Variants in ENTREP2 observed in about 807,000 individuals in gnomAD.
The protein encoded by ENTREP2 is endosomal transmembrane epsin interactor 2.
At chr15:29,429,558 G>A in the ENTREP2 span, among the ~76,000 whole-genome samples, 1 of 152,190 alleles carries the variant, frequency 6.6e-6, no homozygotes, top group South Asian at 2.1e-4. Context: ...CCACGTTGGA[G>A]CTGGGATTTT....
chr15:29,596,208 T>C, the ENTREP2 span, among the ~76,000 whole-genome samples: 520 of 152,328 alleles, frequency 3.4e-3, 3 homozygotes, highest in African/African-American at 0.012. Context: ...TAATTCTATA[T>C]GTAACCATTT....
the ENTREP2 span, among the ~76,000 whole-genome samples, chr15:29,246,939 T>A: frequency 7.3e-6 from 1 of 137,260 alleles, no homozygotes; most frequent in Non-Finnish European, 1.6e-5. Context: ...AAAAAATCCA[T>A]AAACAAAAAT....
the ENTREP2 span, among the ~76,000 whole-genome samples, chr15:29,278,580 C>T: frequency 6.6e-6 from 1 of 152,306 alleles, no homozygotes; most frequent in South Asian, 2.1e-4. Context: ...ACAGTGTGCC[C>T]TCTGATGCAT....
chr15:29,180,654 A>G, the ENTREP2 span, among the ~76,000 whole-genome samples: 1 of 152,132 alleles, frequency 6.6e-6, no homozygotes, highest in Non-Finnish European at 1.5e-5. Flanking sequence ...ACAGAGCAAG[A>G]CTCCGTCTCA....
At chr15:29,159,191 G>C in the ENTREP2 span, among the ~76,000 whole-genome samples, 1 of 152,000 alleles carries the variant, frequency 6.6e-6, no homozygotes, top group Non-Finnish European at 1.5e-5. Flanking sequence ...TTTTCTGGTG[G>C]GTTTGTGGTC....
the ENTREP2 span, chr15:29,452,521 T>C: frequency 1.3e-5 from 2 of 152,266 alleles, no homozygotes; most frequent in Non-Finnish European, 2.9e-5. Flanking sequence ...TTCTTGGTAG[T>C]ATCTGGCCTA....
At chr15:29,659,604 A>G in the ENTREP2 span, among the ~76,000 whole-genome samples, 2 of 152,174 alleles carry the variant, frequency 1.3e-5, no homozygotes, top group Non-Finnish European at 2.9e-5. Flanking sequence ...CTGCCTCCCT[A>G]AAGGTAACTA....
chr15:29,155,035 C>A, the ENTREP2 span, among the ~76,000 whole-genome samples: 1 of 151,690 alleles, frequency 6.6e-6, no homozygotes, highest in Non-Finnish European at 1.5e-5. Flanking sequence ...GTAATCCCAG[C>A]ACTTTGGGAG....
chr15:29,412,494 T>G, the ENTREP2 span, among the ~76,000 whole-genome samples: 1 of 152,270 alleles, frequency 6.6e-6, no homozygotes, highest in Admixed American at 6.5e-5. Flanking sequence ...AAGGGAATAC[T>G]TTCAATGTTT....
At chr15:29,310,182 C>T in the ENTREP2 span, among the ~76,000 whole-genome samples, 1 of 152,180 alleles carries the variant, frequency 6.6e-6, no homozygotes, top group Admixed American at 6.5e-5. Context: ...TCCATGTCCT[C>T]CCCAGCCCTC....
the ENTREP2 span, among the ~76,000 whole-genome samples, chr15:29,429,123 G>A: frequency 1.3e-5 from 2 of 151,130 alleles, no homozygotes; most frequent in South Asian, 2.1e-4. Context: ...CTATCCATCC[G>A]TCCATTCATC....
At chr15:29,328,669 G>C in the ENTREP2 span, among the ~76,000 whole-genome samples, 2 of 152,152 alleles carry the variant, frequency 1.3e-5, no homozygotes, top group Non-Finnish European at 2.9e-5. Flanking sequence ...CACTACTCAC[G>C]TATTTTGAAA....
the ENTREP2 span, among the ~76,000 whole-genome samples, chr15:29,659,359 T>C: frequency 3.9e-5 from 6 of 152,104 alleles, no homozygotes; most frequent in South Asian, 1.2e-3. Flanking sequence ...TAATCCCAGC[T>C]ACTCAGGAGG....
chr15:29,262,327 T>C, the ENTREP2 span, among the ~76,000 whole-genome samples: 1 of 152,138 alleles, frequency 6.6e-6, no homozygotes, highest in African/African-American at 2.4e-5. Flanking sequence ...TGATTGTGGG[T>C]CAAAAGACCC....
At chr15:29,303,758 T>C in the ENTREP2 span, among the ~76,000 whole-genome samples, 1 of 152,116 alleles carries the variant, frequency 6.6e-6, no homozygotes, top group Non-Finnish European at 1.5e-5. Flanking sequence ...TGGTTTTCTG[T>C]TCTTGCATTA....
chr15:29,204,257 C>A, the ENTREP2 span, among the ~76,000 whole-genome samples: 1 of 152,140 alleles, frequency 6.6e-6, no homozygotes, highest in Non-Finnish European at 1.5e-5. Flanking sequence ...AGCCTGCCCC[C>A]CTTATTTATG....
At chr15:29,298,567 A>G in the ENTREP2 span, among the ~76,000 whole-genome samples, 29 of 152,322 alleles carry the variant, frequency 1.9e-4, no homozygotes, top group Non-Finnish European at 4.0e-4. Context: ...AGCTAATAAG[A>G]GGATATTATC....
the ENTREP2 span, among the ~76,000 whole-genome samples, chr15:29,395,176 C>CCG: frequency 6.6e-6 from 1 of 151,738 alleles, no homozygotes; most frequent in African/African-American, 2.4e-5. Flanking sequence ...GCCTGAGCCA[C>CCG]CGCGCCTGGC....
chr15:29,206,833 T>C, the ENTREP2 span, among the ~76,000 whole-genome samples: 1,540 of 152,150 alleles, frequency 0.01, 24 homozygotes, highest in African/African-American at 0.035. Context: ...CAGAAAAAAA[T>C]TACCACCACA....
Sources: allele counts gnomAD v4.1 joint callset (sites outside exome capture counted in the v4.1 genomes callset), GRCh38; gene constraint gnomAD v4.1.1; transcripts MANE v1.5; gene names NCBI Gene and HGNC (gene_info 2026-07-23, HGNC 2026-07-21).